Variants in SMG1 observed in about 807,000 individuals in gnomAD.
SMG1 encodes the protein serine/threonine-protein kinase SMG1.
Under a neutral mutation model 419.9 loss-of-function variants are expected in SMG1, and 22 were observed. That is an observed-to-expected ratio of 0.05 (90% CI 0.04 to 0.07). The LOEUF is 0.07. Among genes scored for constraint, SMG1 ranks in the 10% least tolerant of loss-of-function variants. SMG1 has a pLI of 1.00. For missense variants in SMG1, 3,185 were observed against 4,342.0 expected, an observed-to-expected ratio of 0.73 and a Z score of 7.49; for synonymous variants, 1,538 against 1,553.5, an observed-to-expected ratio of 0.99 and a Z score of 0.23.
intron 37 of SMG1, 77 bp from the exon 38 acceptor site, chr16:18,847,684 A>T: frequency 7.6e-7 from 1 of 1,310,978 alleles, no homozygotes; most frequent in African/African-American, 1.6e-5. Context: ...GGACTTTGTA[A>T]GTTAAGTGTG....
rs574179061 is a variant in SMG1, at chr16:18,887,516, C to CTT, written c.823-1852_823-1851dup. On this transcript the variant is annotated intron_variant, in intron 6 of 62. Coordinates refer to ENST00000446231, the MANE Select transcript of SMG1 (RefSeq NM_015092.5). ...ACCACGCCCGACTTATTTTTTTTTC[C>CTT]TTTTTTTTTTTTTTTTTAATAGAAA... 4.3e-3 allele frequency among the ~76,000 whole-genome samples: 468 copies of CTT among 110,116 alleles called. 14 individuals are homozygous for CTT. Among genetic ancestry groups the CTT allele is most frequent in the African/African-American group, 0.015 (446 of 29,024 alleles). The allele number at this position is 110,116 out of a possible 152,430, so 72.2% of individuals were successfully genotyped here.
chr16:18,885,700 C>T (rs1313004665), intron 6 of SMG1, 34 bp from the exon 7 acceptor site: 1 of 1,591,218 alleles, frequency 6.3e-7, no homozygotes, highest in Non-Finnish European at 8.5e-7. Flanking sequence ...CGTGAACATT[C>T]AACAAAATAG....
At chr16:18,813,385 C>T (rs1211024791) in intron 60 of SMG1, among the ~76,000 whole-genome samples, 2 of 152,176 alleles carry the variant, frequency 1.3e-5, no homozygotes, top group East Asian at 1.9e-4. Context: ...GATGGTATCT[C>T]ATTGTGGTTT....
In SMG1 at chr16:18,926,165, G is replaced by A. The variant is rs962253571; in HGVS notation, c.-124C>T. ...TGAGGAGGAAGCCGAGAAGGAGGAG[G>A]AGGAGGAGGAGGAGGAGAAGGAGGA... On this transcript the variant is annotated 5_prime_UTR_variant, in exon 1 of 63. Coordinates refer to ENST00000446231, the MANE Select transcript of SMG1 (RefSeq NM_015092.5). The A allele has an allele frequency of 4.0e-6, 3 of 743,644 alleles. No homozygotes were observed. 46.1% of individuals were successfully genotyped at this position (743,644 alleles called of 1,614,324 possible).
In SMG1 at chr16:18,829,408, C is replaced by G; in HGVS notation, c.9481G>C (p.Val3161Leu). ...GCAGTGTCGTAAGAACTTGCTAACA[C>G]AGTTGCCCTGTTCATAACCAGCTGA... ...FSQLVMNRAT[V>L]LASSYDTAWK... The change falls in exon 54 of 63, where the codon GTG becomes CTG. Residue 3161 changes from valine (V) to leucine (L), a missense_variant. Physicochemically the swap from Val to Leu is conservative, Grantham distance 32. Transcript: ENST00000446231. 1 of 1,614,010 alleles carries G rather than the reference C, an allele frequency of 6.2e-7. No homozygotes were observed.
In SMG1 at chr16:18,836,161, G is replaced by A; in HGVS notation, c.7829C>T (p.Ala2610Val). The change falls in exon 48 of 63, where the codon GCC (alanine) becomes GTC (valine). Residue 2610 changes from alanine to valine, a missense_variant. By Grantham distance (64) the Ala-to-Val change is moderately conservative. Around this residue, in one of 27 missense-constraint regions of SMG1, gnomAD observed 412 missense variants for 546.6 expected, o/e 0.75. Transcript: ENST00000446231. ...ATAFLQNAGQ[A>V]HLISQCEQLE... The stretch of plus-strand genomic sequence containing the variant: ...CTGCTCGCACTGGCTAATCAAGTGG[G>A]CCTGACCAGCATTCTGCAGAAAGGC... 1 of 1,611,530 alleles carries A rather than the reference G, an allele frequency of 6.2e-7. No individual in the cohort carries two copies. Among genetic ancestry groups the A allele is most frequent in the East Asian group, 2.2e-5 (1 of 44,824 alleles).
intron 3 of SMG1, 90 bp downstream of exon 3, chr16:18,895,962 T>A: frequency 1.7e-6 from 2 of 1,148,118 alleles, no homozygotes; most frequent in Non-Finnish European, 2.6e-6. Context: ...CTTATGCCTG[T>A]GCAAGGCGTT....
chr16:18,816,416 C>A lies in SMG1; in HGVS notation c.10188G>T (p.Gln3396His). 1 of 1,613,952 alleles carries A rather than the reference C, an allele frequency of 6.2e-7. No individual in the cohort carries two copies. Among genetic ancestry groups the A allele is most frequent in the South Asian group, 1.1e-5 (1 of 91,082 alleles). ...GAATTGTTTCACAGACCGTTTCTAT[C>A]TGCTGCTCTTTCTCTGTCTGAATTG... ...QRAIQTEKEQQIETVCETIQN... is the reference protein window; with the variant it reads ...QRAIQTEKEQHIETVCETIQN... The change falls in exon 58 of 63, where the codon CAG (glutamine) becomes CAT (histidine). Residue 3396 changes from glutamine (Q) to histidine (H), a missense_variant. By Grantham distance (24) the Gln-to-His change is conservative. Transcript: ENST00000446231.
At position 18,831,790 on chromosome 16, in the gene SMG1, TAC is replaced by T. The variant is rs1183248230; in HGVS notation, c.8792+1148_8792+1149del. On this transcript the variant is annotated intron_variant, in intron 51 of 62. Transcript: ENST00000446231. ...AAAAAAATACATATATATATATATATACACACACACGTACATATTTATGAATA... is the reference window on the plus strand; with the variant it reads ...AAAAAAATACATATATATATATATATACACACACGTACATATTTATGAATA... 4.6e-3 allele frequency among the ~76,000 whole-genome samples: 634 copies of T among 137,314 alleles called. 13 individuals carry two copies. The highest frequency in any genetic ancestry group is 0.015 in the African/African-American group (593 of 38,660). 90.1% of individuals were successfully genotyped at this position (137,314 alleles called of 152,430 possible).
Position 18,859,622 on chromosome 16 carries a change from C to T in SMG1, c.3887G>A (p.Ser1296Asn). 3 of 1,611,814 alleles carry T rather than the reference C, an allele frequency of 1.9e-6. No homozygotes were observed. The highest frequency in any genetic ancestry group is 1.7e-5 in the Admixed American group (1 of 59,928). ...TAAAGCAGTTGCCAAACAAACAGAA[C>T]TTCTTAACAATTGAACTTCAATGGA... ...QKSIEVQLLR[S>N]SVCLATALNP... Residue 1296 changes from serine (S) to asparagine (N), a missense_variant, in exon 27 of 63, where the codon AGT (serine) becomes AAT (asparagine). Physicochemically the swap from Ser to Asn is conservative, Grantham distance 46. Transcript: ENST00000446231.
chr16:18,891,925 G>A (rs1216666112), intron 4 of SMG1, among the ~76,000 whole-genome samples: 1 of 152,190 alleles, frequency 6.6e-6, no homozygotes, highest in East Asian at 1.9e-4. Context: ...ACCTCAGCCA[G>A]GTGTAGTGGA....
chr16:18,916,513 C>CAAAA (rs59985733), intron 1 of SMG1, among the ~76,000 whole-genome samples: 50 of 68,914 alleles, frequency 7.3e-4, no homozygotes, highest in South Asian at 1.4e-3. Context: ...GACTCCATCT[C>CAAAA]AAAAAAAAAA....
At chr16:18,874,139 T>C (rs999853071) in intron 13 of SMG1, among the ~76,000 whole-genome samples, 1 of 152,138 alleles carries the variant, frequency 6.6e-6, no homozygotes, top group Admixed American at 6.5e-5. Flanking sequence ...CTTTCTTTCT[T>C]TGTGTTTTTT....
At chr16:18,908,975 G>A (rs2141949105) in intron 1 of SMG1, among the ~76,000 whole-genome samples, 1 of 152,100 alleles carries the variant, frequency 6.6e-6, no homozygotes, top group South Asian at 2.1e-4. Context: ...TTAGCCAACA[G>A]GTTGAAGCAC....
At chr16:18,858,858 T>A (rs2035059336) in intron 28 of SMG1, 164 bp downstream of exon 28, 1 of 571,552 alleles carries the variant, frequency 1.7e-6, no homozygotes, top group Non-Finnish European at 3.0e-6. Flanking sequence ...CTGCCCCATG[T>A]ACTTCTCAAA....
intron 1 of SMG1, among the ~76,000 whole-genome samples, chr16:18,915,566 T>C (rs927384298): frequency 2.0e-5 from 3 of 152,066 alleles, no homozygotes; most frequent in Admixed American, 6.5e-5. Flanking sequence ...AAGAAGGGGA[T>C]AGCAAAAGTA....
chr16:18,882,829 A>C (rs1480951693), intron 9 of SMG1, among the ~76,000 whole-genome samples: 4 of 152,230 alleles, frequency 2.6e-5, no homozygotes, highest in Non-Finnish European at 5.9e-5. Flanking sequence ...TATGAAAAGG[A>C]CAAGATTCGC....
chr16:18,876,133 T>C lies in SMG1; in HGVS notation c.1881A>G (p.Ser627=), dbSNP rs769810808. Reference sequence around the variant, plus strand: ...ACAATTAAAGACTCACCCCTATTAGTGAGTTTTTGGCATTTCCAATTGTAG... The same window carrying C: ...ACAATTAAAGACTCACCCCTATTAGCGAGTTTTTGGCATTTCCAATTGTAG... ...ALTTIGNAKN[S]LIGMWALSPT... The change falls in exon 13 of 63, where the codon TCA becomes TCG. Residue 627 remains serine, a synonymous_variant. Transcript: ENST00000446231. 1.2e-5 allele frequency: 19 copies of C among 1,611,652 alleles called. No individual in the cohort carries two copies. The Admixed American group carries it at 3.2e-4, about 27-fold the overall frequency.
chr16:18,922,953 C>A (rs1411370777), intron 1 of SMG1, among the ~76,000 whole-genome samples: 1 of 152,148 alleles, frequency 6.6e-6, no homozygotes, highest in Admixed American at 6.5e-5. Flanking sequence ...TGTTGGCAAG[C>A]GCCTGTAGCC....
Sources: allele counts gnomAD v4.1 joint callset (sites outside exome capture counted in the v4.1 genomes callset), GRCh38; gene constraint gnomAD v4.1.1; regional missense constraint gnomAD v4.1.1; transcripts MANE v1.5; gene names NCBI Gene and HGNC (gene_info 2026-07-23, HGNC 2026-07-21).